Variants in SULT2B1 observed in about 807,000 individuals in gnomAD.
SULT2B1 encodes sulfotransferase family 2B member 1, also known as sulfotransferase 2B1.
SULT2B1 carries 16 observed loss-of-function variants against 33.2 expected under a neutral mutation model. The ratio of observed to expected loss-of-function variants is 0.48; its 90% confidence interval spans 0.33 to 0.73. The LOEUF (loss-of-function observed/expected upper bound fraction) is 0.73, where lower values mean the gene tolerates loss of function less well. Among genes scored for constraint, SULT2B1 ranks in the 30% least tolerant of loss-of-function variants. The pLI is 0.02. For synonymous variants in SULT2B1, 186 were observed against 200.5 expected (o/e 0.93, Z 0.61); for missense variants, 500 against 506.0 (o/e 0.99, Z 0.11).
At chr19:48,569,363 CAT>C (rs1159840741) in intron 1 of SULT2B1, among the ~76,000 whole-genome samples, 3,689 of 32,216 alleles carry the variant, frequency 0.11, 60 homozygotes, top group Admixed American at 0.15. Flanking sequence ...AAAAAAAAAA[CAT>C]ATATATATAT....
At chr19:48,583,169 G>T (rs1973517096) in intron 2 of SULT2B1, among the ~76,000 whole-genome samples, 1 of 137,472 alleles carries the variant, frequency 7.3e-6, no homozygotes, top group Non-Finnish European at 1.5e-5. Flanking sequence ...AAAAATAAAA[G>T]AAAAAACAGA....
At chr19:48,578,276 C>T (rs1973440589) in intron 2 of SULT2B1, among the ~76,000 whole-genome samples, 1 of 151,978 alleles carries the variant, frequency 6.6e-6, no homozygotes, top group African/African-American at 2.4e-5. Flanking sequence ...CATCCATCAC[C>T]ACAATCAATT....
In SULT2B1 at chr19:48,599,272, G is replaced by A; in HGVS notation, c.964G>A (p.Glu322Lys). Residue 322 changes from glutamate to lysine, a missense_variant, in exon 7 of 7, where the codon GAG becomes AAG. Coordinates refer to ENST00000201586, the MANE Select transcript of SULT2B1 (RefSeq NM_177973.2). The surrounding 1 kb of genome is among the most constrained non-coding windows in gnomAD (Gnocchi z 4.1). ...DPEEDGSPDP[E>K]PSPEPEPKPS... The stretch of plus-strand genomic sequence containing the variant: ...GGAGGAGGACGGCAGCCCAGATCCT[G>A]AGCCCAGCCCTGAGCCTGAGCCCAA... The A allele has an allele frequency of 6.2e-7, 1 of 1,611,022 alleles. No individual in the cohort carries two copies. The highest frequency in any genetic ancestry group is 1.1e-5 in the South Asian group (1 of 90,548).
At chr19:48,596,985 C>T in intron 6 of SULT2B1, 66 bp downstream of exon 6, 1 of 1,448,818 alleles carries the variant, frequency 6.9e-7, no homozygotes, top group Non-Finnish European at 9.2e-7. Flanking sequence ...GGGAGAGTTA[C>T]TTAACCTCTC....
Position 48,599,361 on chromosome 19 carries a change from C to G in SULT2B1, c.1053C>G (p.Pro351=), listed in dbSNP as rs1973769190. The change falls in exon 7 of 7, where the codon CCC becomes CCG. Residue 351 remains proline, a synonymous_variant. Coordinates refer to ENST00000201586, the MANE Select transcript of SULT2B1 (RefSeq NM_177973.2). This position sits in a 1 kb window ranked among gnomAD's most constrained non-coding sequence, Gnocchi z 4.1. Reference sequence around the variant, plus strand: ...CCAGACCCAACTCCAGCCCCAGCCCCAGCCCCGGCCAGGCCTCTGAGACCC... The same window carrying G: ...CCAGACCCAACTCCAGCCCCAGCCCGAGCCCCGGCCAGGCCTCTGAGACCC... ...REPRPNSSPS[P]SPGQASETPH... 6.4e-7 allele frequency: 1 copy of G among 1,568,858 alleles called. No homozygotes were observed. The highest frequency in any genetic ancestry group is 1.4e-5 in the African/African-American group (1 of 73,864).
chr19:48,580,261 TTTTC>T lies in SULT2B1; in HGVS notation c.214+4182_214+4185del, dbSNP rs561777674. 4.1e-3 allele frequency among the ~76,000 whole-genome samples: 622 copies of T among 151,464 alleles called. 3 individuals carry two copies. Among genetic ancestry groups the T allele is most frequent in the African/African-American group, 0.014 (578 of 41,276 alleles). ...ACACAAGTTCTTACGTGGACATATG[TTTTC>T]TTTGTTTTTTATGGAGACAGGTTCT... On this transcript the variant is annotated intron_variant, in intron 2 of 6. Coordinates refer to ENST00000201586, the MANE Select transcript of SULT2B1 (RefSeq NM_177973.2).
At chr19:48,579,605 C>CTTTCTTTCTTTCTTT (rs71179013) in intron 2 of SULT2B1, among the ~76,000 whole-genome samples, 27 of 79,764 alleles carry the variant, frequency 3.4e-4, no homozygotes, top group Non-Finnish European at 5.7e-4. Flanking sequence ...TTCTTTCTTT[C>CTTTCTTTCTTTCTTT]TTTTTTTTTT....
At chr19:48,568,768 C>T (rs78935929) in intron 1 of SULT2B1, among the ~76,000 whole-genome samples, 2,881 of 152,196 alleles carry the variant, frequency 0.019, 95 homozygotes, top group African/African-American at 0.066. Flanking sequence ...TCAGCGGCAC[C>T]GCCAGGGCTG....
intron 1 of SULT2B1, among the ~76,000 whole-genome samples, chr19:48,564,551 C>CAAAAAAAAAA (rs770217698): frequency 5.2e-5 from 3 of 57,646 alleles, no homozygotes; most frequent in Non-Finnish European, 9.1e-5. Flanking sequence ...GACTCCGTCT[C>CAAAAAAAAAA]AAAAAAAAAA....
At chr19:48,587,513 CATTG>C in intron 3 of SULT2B1, 76 bp downstream of exon 3, 2 of 1,501,284 alleles carry the variant, frequency 1.3e-6, no homozygotes, top group Non-Finnish European at 1.8e-6. Context: ...GAGCATAACT[CATTG>C]ATTCATTCAG....
chr19:48,579,484 G>A lies in SULT2B1; in HGVS notation c.214+3401G>A, dbSNP rs559121087. Among the ~76,000 whole-genome samples, 8 of 151,200 alleles carry A rather than the reference G, an allele frequency of 5.3e-5. No individual in the cohort carries two copies. The South Asian group carries it at 1.5e-3, about 28-fold the overall frequency. On this transcript the variant is annotated intron_variant, in intron 2 of 6. Coordinates refer to ENST00000201586, the MANE Select transcript of SULT2B1 (RefSeq NM_177973.2). ...TTTTTAGTAGAGACGGGGTTTCACC[G>A]TGTTAGCCAGGATGCTCTCCATCTC...
In SULT2B1 at chr19:48,599,302, A is replaced by G. The variant is rs758356699; in HGVS notation, c.994A>G (p.Ser332Gly). The G allele has an allele frequency of 1.4e-5, 23 of 1,609,498 alleles. No homozygotes were observed. Among genetic ancestry groups the G allele is most frequent in the Non-Finnish European group, 2.0e-5 (23 of 1,177,938 alleles). Residue 332 changes from serine to glycine, a missense_variant, in exon 7 of 7, where the codon AGC becomes GGC. Ser to Gly is a moderately conservative substitution (Grantham distance 56). Transcript: ENST00000201586. This position sits in a 1 kb window ranked among gnomAD's most constrained non-coding sequence, Gnocchi z 4.1. ...EPSPEPEPKPSLEPNTSLERE... is the reference protein window; with the variant it reads ...EPSPEPEPKPGLEPNTSLERE... ...CAGCCCTGAGCCTGAGCCCAAGCCC[A>G]GCCTTGAGCCCAACACCAGCCTGGA...
intron 1 of SULT2B1, among the ~76,000 whole-genome samples, chr19:48,566,113 T>G (rs756655505): frequency 1.3e-5 from 2 of 152,116 alleles, no homozygotes; most frequent in Non-Finnish European, 2.9e-5. Flanking sequence ...GGTTTCACTC[T>G]GTTGGCCAGG....
chr19:48,561,882 A>G (rs1353011032), intron 1 of SULT2B1, among the ~76,000 whole-genome samples: 3 of 152,186 alleles, frequency 2.0e-5, no homozygotes, highest in African/African-American at 7.2e-5. Context: ...TGGGAGGCTG[A>G]GGCAGGTGGA....
intron 1 of SULT2B1, among the ~76,000 whole-genome samples, chr19:48,568,318 G>A (rs927931888): frequency 6.6e-6 from 1 of 151,444 alleles, no homozygotes; most frequent in Non-Finnish European, 1.5e-5. Flanking sequence ...AAAAAGGGCC[G>A]CAAAGGAGGC....
chr19:48,599,150 G>C lies in SULT2B1; in HGVS notation c.842G>C (p.Trp281Ser). Residue 281 changes from tryptophan to serine, a missense_variant, in exon 7 of 7, where the codon TGG becomes TCG. Physicochemically the swap from Trp to Ser is radical, Grantham distance 177. Coordinates refer to ENST00000201586, the MANE Select transcript of SULT2B1 (RefSeq NM_177973.2). The surrounding 1 kb of genome is among the most constrained non-coding windows in gnomAD (Gnocchi z 4.1). ...AFLRKGVCGD[W>S]KNHFTVAQSE... The stretch of plus-strand genomic sequence containing the variant: ...TCTTCTCCAGGGGTCTGCGGCGACT[G>C]GAAGAACCACTTCACGGTGGCCCAG... The C allele has an allele frequency of 6.3e-7, 1 of 1,588,226 alleles. No individual in the cohort carries two copies. The highest frequency in any genetic ancestry group is 1.1e-5 in the South Asian group (1 of 88,162).
chr19:48,569,363 C>CATAT (rs1159840741), intron 1 of SULT2B1, among the ~76,000 whole-genome samples: 2,581 of 31,938 alleles, frequency 0.081, 81 homozygotes, highest in Middle Eastern at 0.23. Context: ...AAAAAAAAAA[C>CATAT]ATATATATAT....
At chr19:48,567,872 G>C (rs944225191) in intron 1 of SULT2B1, among the ~76,000 whole-genome samples, 1 of 151,766 alleles carries the variant, frequency 6.6e-6, no homozygotes, top group Non-Finnish European at 1.5e-5. Flanking sequence ...CAGGAGGCTA[G>C]GCTGAGGCAG....
chr19:48,592,938 G>T, intron 5 of SULT2B1, 122 bp downstream of exon 5: 1 of 818,926 alleles, frequency 1.2e-6, no homozygotes, highest in Non-Finnish European at 2.0e-6. Context: ...CCAGCCCCTG[G>T]GGATACTGCA....
Sources: gnomAD v4.1 joint callset for allele counts (sites outside exome capture counted in the v4.1 genomes callset) on GRCh38, gnomAD v4.1.1 for gene constraint, Gnocchi (gnomAD v3.1) non-coding constraint, MANE v1.5 for transcripts, NCBI Gene and HGNC (gene_info 2026-07-23, HGNC 2026-07-21) for gene names.